TENM3: variants seen among roughly 807,000 people sequenced by gnomAD.
TENM3 encodes teneurin transmembrane protein 3, also known as teneurin-3.
In TENM3, 63 loss-of-function variants were observed where a neutral mutation model predicts 255.1. The observed-to-expected ratio is 0.25, with a 90% confidence interval of 0.20 to 0.30. The LOEUF is 0.30. TENM3 is among the 10% of genes least tolerant of loss of function. The pLI is 1.00. For synonymous variants in TENM3, 1,306 were observed against 1,322.3 expected, an observed-to-expected ratio of 0.99 and a Z score of 0.27; for missense variants, 2,929 against 3,461.1, an observed-to-expected ratio of 0.85 and a Z score of 3.86.
the TENM3 span, among the ~76,000 whole-genome samples, chr4:182,078,236 C>T: frequency 1.3e-3 from 195 of 151,920 alleles, 5 homozygotes; most frequent in African/African-American, 4.0e-3. Flanking sequence ...AAAAAATAAA[C>T]GAAACAGCCG....
chr4:182,297,358 C>T (rs1761561246), intron 1 of TENM3, among the ~76,000 whole-genome samples: 1 of 152,192 alleles, frequency 6.6e-6, no homozygotes, highest in Admixed American at 6.5e-5. Flanking sequence ...ATAATTTATA[C>T]AATTATTCAG....
chr4:182,154,352 C>T (rs1429036283), intron 1 of TENM3, among the ~76,000 whole-genome samples: 2 of 152,086 alleles, frequency 1.3e-5, no homozygotes, highest in Non-Finnish European at 2.9e-5. Flanking sequence ...ATTATACATT[C>T]TCCCCTAAAT....
chr4:181,551,521 C>T, the TENM3 span, among the ~76,000 whole-genome samples: 7 of 152,106 alleles, frequency 4.6e-5, no homozygotes, highest in Admixed American at 4.6e-4. Flanking sequence ...CTTATTTGAG[C>T]TTCGGCAACC....
At chr4:181,772,239 G>A in the TENM3 span, among the ~76,000 whole-genome samples, 2 of 152,054 alleles carry the variant, frequency 1.3e-5, no homozygotes, top group African/African-American at 4.8e-5. Flanking sequence ...TTAGCTGGGT[G>A]TGGTGGCATG....
chr4:181,654,195 C>T, the TENM3 span, among the ~76,000 whole-genome samples: 9 of 148,022 alleles, frequency 6.1e-5, no homozygotes, highest in African/African-American at 2.3e-4. Context: ...CAATTCTATG[C>T]GATAAACCTT....
chr4:182,139,999 C>T (rs1158231802), upstream of TENM3, among the ~76,000 whole-genome samples: 1 of 152,208 alleles, frequency 6.6e-6, no homozygotes, highest in Non-Finnish European at 1.5e-5. Flanking sequence ...CCTCTACAAA[C>T]AGTCATTGAA....
the TENM3 span, among the ~76,000 whole-genome samples, chr4:181,747,353 G>A: frequency 0.073 from 11,132 of 151,930 alleles, 586 homozygotes; most frequent in African/African-American, 0.14. Context: ...AAATGAAATC[G>A]AAGTTTTTAT....
At chr4:182,562,482 G>T (rs1223771264) in intron 3 of TENM3, among the ~76,000 whole-genome samples, 3 of 152,062 alleles carry the variant, frequency 2.0e-5, no homozygotes, top group Non-Finnish European at 4.4e-5. Context: ...CTCATCACAA[G>T]ACCCTTTCTG....
chr4:181,718,819 G>A, the TENM3 span, among the ~76,000 whole-genome samples: 1 of 152,124 alleles, frequency 6.6e-6, no homozygotes, highest in Non-Finnish European at 1.5e-5. Flanking sequence ...GTCAGCAGTA[G>A]GAAACTGTAG....
chr4:182,024,615 T>C, the TENM3 span, among the ~76,000 whole-genome samples: 2 of 152,148 alleles, frequency 1.3e-5, no homozygotes, highest in Non-Finnish European at 2.9e-5. Context: ...GATGTTTTGA[T>C]ACAGACATGC....
chr4:182,595,250 T>G (rs964549817), intron 3 of TENM3, among the ~76,000 whole-genome samples: 1 of 152,166 alleles, frequency 6.6e-6, no homozygotes, highest in Non-Finnish European at 1.5e-5. Context: ...CAGTTTTTCT[T>G]CTTCTCCATG....
upstream of TENM3, among the ~76,000 whole-genome samples, chr4:182,140,584 C>T (rs1749325775): frequency 1.3e-5 from 2 of 152,162 alleles, no homozygotes; most frequent in African/African-American, 4.8e-5. Context: ...CAGTGATGTC[C>T]ACAAGTGTCC....
At chr4:182,196,301 G>A (rs1208813401) in intron 1 of TENM3, among the ~76,000 whole-genome samples, 1 of 152,094 alleles carries the variant, frequency 6.6e-6, no homozygotes. Flanking sequence ...TTTCCTAGAT[G>A]TAACATTCAG....
At chr4:181,520,489 C>A in the TENM3 span, among the ~76,000 whole-genome samples, 3 of 152,092 alleles carry the variant, frequency 2.0e-5, no homozygotes, top group Admixed American at 2.0e-4. Flanking sequence ...GACTGAAAGA[C>A]AGTTTTGTAA....
At chr4:182,092,383 C>T in the TENM3 span, among the ~76,000 whole-genome samples, 2 of 152,154 alleles carry the variant, frequency 1.3e-5, no homozygotes, top group African/African-American at 2.4e-5. Flanking sequence ...CATGGTGGCT[C>T]ATGCCTATAA....
intron 3 of TENM3, among the ~76,000 whole-genome samples, chr4:182,589,446 A>ATTTTTTTTTTT (rs367629189): frequency 7.7e-6 from 1 of 129,394 alleles, no homozygotes; most frequent in Non-Finnish European, 1.6e-5. Flanking sequence ...TAGGTTTTTA[A>ATTTTTTTTTTT]TTTTTTTTTT....
chr4:182,442,845 T>A (rs1331083680), intron 3 of TENM3, among the ~76,000 whole-genome samples: 1 of 79,502 alleles, frequency 1.3e-5, no homozygotes, highest in Non-Finnish European at 2.6e-5. Context: ...TACATACATA[T>A]ATACACACAC....
At chr4:182,639,880 A>G (rs929219815) in intron 5 of TENM3, among the ~76,000 whole-genome samples, 41 of 152,160 alleles carry the variant, frequency 2.7e-4, no homozygotes, top group Admixed American at 4.6e-4. Context: ...TCACGGGTTC[A>G]GGAGATTGAG....
At chr4:181,726,428 A>C in the TENM3 span, among the ~76,000 whole-genome samples, 1 of 152,150 alleles carries the variant, frequency 6.6e-6, no homozygotes, top group Non-Finnish European at 1.5e-5. Context: ...TTATCATCCC[A>C]ATCTTCAAGG....
Sources: allele counts gnomAD v4.1 joint callset (sites outside exome capture counted in the v4.1 genomes callset), GRCh38; gene constraint gnomAD v4.1.1; transcripts MANE v1.5; gene names NCBI Gene and HGNC (gene_info 2026-07-23, HGNC 2026-07-21).